Variants in ANO3 observed in about 807,000 individuals in gnomAD.
ANO3 encodes the protein anoctamin-3.
ANO3 carries 99 observed loss-of-function variants against 144.8 expected under a neutral mutation model. That is an observed-to-expected ratio of 0.68 (90% CI 0.58 to 0.81). The LOEUF (loss-of-function observed/expected upper bound fraction) is 0.81. ANO3 is among the 30% of genes least tolerant of loss of function. The probability of loss-of-function intolerance (pLI) is 0.00; values close to 1 mark genes in which losing one functional copy is unlikely to be tolerated. For synonymous variants in ANO3, 414 were observed against 392.6 expected (o/e 1.05, Z -0.64); for missense variants, 905 against 1,202.2 (o/e 0.75, Z 3.66).
chr11:26,295,073 T>A (rs1854055686), intron 1 of ANO3, among the ~76,000 whole-genome samples: 1 of 151,698 alleles, frequency 6.6e-6, no homozygotes, highest in Admixed American at 6.6e-5. Context: ...TAATTTGTTG[T>A]TGTTGTTGTT....
intron 1 of ANO3, among the ~76,000 whole-genome samples, chr11:26,424,938 G>T (rs1435162247): frequency 6.6e-6 from 1 of 151,936 alleles, no homozygotes; most frequent in East Asian, 1.9e-4. Flanking sequence ...TGCACAACGT[G>T]CAGGTTTTTT....
chr11:26,192,565 G>A (rs12285220), intron 1 of ANO3, among the ~76,000 whole-genome samples: 1,732 of 152,164 alleles, frequency 0.011, 31 homozygotes, highest in African/African-American at 0.04. Context: ...TAACTATTAG[G>A]TATCTCATAA....
chr11:26,191,108 G>A (rs1039339128), intron 1 of ANO3, among the ~76,000 whole-genome samples: 1 of 151,624 alleles, frequency 6.6e-6, no homozygotes, highest in Non-Finnish European at 1.5e-5. Flanking sequence ...GAAACCCTGT[G>A]TCTACTAAAA....
intron 17 of ANO3, among the ~76,000 whole-genome samples, chr11:26,623,291 T>C (rs1055229894): frequency 1.3e-5 from 2 of 152,178 alleles, no homozygotes; most frequent in African/African-American, 4.8e-5. Flanking sequence ...TTTTAATATG[T>C]CCAGATGCAT....
At chr11:26,447,888 G>A (rs984367564) in intron 3 of ANO3, among the ~76,000 whole-genome samples, 2 of 152,058 alleles carry the variant, frequency 1.3e-5, no homozygotes, top group African/African-American at 4.8e-5. Flanking sequence ...CATTGCCTAC[G>A]TTTTTTTCTT....
chr11:26,438,706 G>A (rs956539409), intron 1 of ANO3, among the ~76,000 whole-genome samples: 1 of 151,132 alleles, frequency 6.6e-6, no homozygotes, highest in African/African-American at 2.4e-5. Flanking sequence ...TGAATCCAAG[G>A]GGCAGAGGTT....
intron 1 of ANO3, among the ~76,000 whole-genome samples, chr11:26,346,103 T>C (rs2133906189): frequency 6.6e-6 from 1 of 152,274 alleles, no homozygotes; most frequent in South Asian, 2.1e-4. Context: ...TTGAGGCAAA[T>C]CCCTATTTTA....
chr11:26,227,245 G>A (rs756928256), intron 1 of ANO3, among the ~76,000 whole-genome samples: 1 of 152,070 alleles, frequency 6.6e-6, no homozygotes, highest in Non-Finnish European at 1.5e-5. Context: ...GAATAAAGTT[G>A]TTAAAAACAT....
chr11:26,384,938 T>G (rs1021667433), intron 1 of ANO3, among the ~76,000 whole-genome samples: 3 of 152,214 alleles, frequency 2.0e-5, no homozygotes, highest in African/African-American at 7.2e-5. Flanking sequence ...GAATTTGATT[T>G]TGCCTATTCA....
rs187289856 is a variant in ANO3 at position 26,206,306 on chromosome 11, T to C, written c.154+16976T>C. On this transcript the variant is annotated intron_variant, in intron 1 of 27. Transcript: ENST00000672621. ...CAACCATCTTCAAATGCAAACATTA[T>C]ATTGTTTGAAGTACTACATGGTTAT... is the stretch of plus-strand genomic sequence containing the variant. Among the ~76,000 whole-genome samples the C allele has an allele frequency of 2.6e-5, 4 of 152,328 alleles. No individual in the cohort carries two copies. The East Asian group carries it at 7.7e-4, about 29-fold the overall frequency.
chr11:26,391,636 C>T (rs1468100356), intron 1 of ANO3, among the ~76,000 whole-genome samples: 1 of 152,028 alleles, frequency 6.6e-6, no homozygotes, highest in Non-Finnish European at 1.5e-5. Context: ...TTTTAAGAAA[C>T]CCCTCTCTTC....
chr11:26,631,277 A>G (rs1463362604), intron 18 of ANO3, among the ~76,000 whole-genome samples: 1 of 151,990 alleles, frequency 6.6e-6, no homozygotes, highest in Non-Finnish European at 1.5e-5. Flanking sequence ...ATTTGAAAAC[A>G]TTTTATTGTT....
intron 23 of ANO3, among the ~76,000 whole-genome samples, chr11:26,645,454 T>G (rs1201764325): frequency 6.6e-6 from 1 of 151,854 alleles, no homozygotes; most frequent in Non-Finnish European, 1.5e-5. Flanking sequence ...TGTCTTTTTT[T>G]GGGAGGGGAG....
intron 1 of ANO3, among the ~76,000 whole-genome samples, chr11:26,403,959 A>C (rs1857213185): frequency 6.6e-6 from 1 of 151,818 alleles, no homozygotes; most frequent in African/African-American, 2.4e-5. Flanking sequence ...CTCAGAATGA[A>C]ATTTTGTGAT....
At chr11:26,354,909 A>G (rs1855739031) in intron 1 of ANO3, among the ~76,000 whole-genome samples, 1 of 151,720 alleles carries the variant, frequency 6.6e-6, no homozygotes, top group South Asian at 2.1e-4. Flanking sequence ...TGTATTTTAT[A>G]TTCCTTGTAA....
chr11:26,195,026 G>T (rs1310751530), intron 1 of ANO3, among the ~76,000 whole-genome samples: 1 of 152,146 alleles, frequency 6.6e-6, no homozygotes, highest in African/African-American at 2.4e-5. Flanking sequence ...AGACTGCAAA[G>T]AAAAACTCCT....
At chr11:26,473,526 C>T (rs1313033032) in intron 4 of ANO3, among the ~76,000 whole-genome samples, 1 of 151,746 alleles carries the variant, frequency 6.6e-6, no homozygotes, top group Non-Finnish European at 1.5e-5. Context: ...GAGGCAATTT[C>T]CTTTAAAACC....
At chr11:26,267,244 C>T (rs1590224548) in intron 1 of ANO3, among the ~76,000 whole-genome samples, 1 of 152,026 alleles carries the variant, frequency 6.6e-6, no homozygotes, top group Non-Finnish European at 1.5e-5. Context: ...ATTTATCTGA[C>T]ATCTTTCTAC....
intron 1 of ANO3, among the ~76,000 whole-genome samples, chr11:26,264,929 A>G (rs1853274848): frequency 6.6e-6 from 1 of 152,258 alleles, no homozygotes; most frequent in East Asian, 1.9e-4. Context: ...GGGAGACACA[A>G]TCAGCCCAAA....
Sources: gnomAD v4.1 joint callset for allele counts (sites outside exome capture counted in the v4.1 genomes callset) on GRCh38, gnomAD v4.1.1 for gene constraint, MANE v1.5 for transcripts, NCBI Gene and HGNC (gene_info 2026-07-23, HGNC 2026-07-21) for gene names.